Variants in CTNNA3 observed in about 807,000 individuals in gnomAD.
CTNNA3 encodes the protein catenin alpha 3.
In CTNNA3, 76 loss-of-function variants were observed where a neutral mutation model predicts 95.7. The observed-to-expected ratio is 0.79, with a 90% CI of 0.66 to 0.96. CTNNA3 has a LOEUF of 0.96. Among genes scored for constraint, CTNNA3 ranks in the 40% least tolerant of loss-of-function variants. The pLI, the probability that CTNNA3 is intolerant of heterozygous loss-of-function variation, is 0.00. For missense variants in CTNNA3, 1,191 were observed against 1,089.8 expected, an observed-to-expected ratio of 1.09 and a Z score of -1.31; for synonymous variants, 431 against 374.4, an observed-to-expected ratio of 1.15 and a Z score of -1.74.
intron 9 of CTNNA3, among the ~76,000 whole-genome samples, chr10:66,661,085 T>G (rs1048855617): frequency 6.6e-6 from 1 of 152,134 alleles, no homozygotes; most frequent in African/African-American, 2.4e-5. Context: ...ATAAACCAAC[T>G]GAAATATATA....
intron 7 of CTNNA3, among the ~76,000 whole-genome samples, chr10:67,144,101 A>G (rs572476382): frequency 7.2e-5 from 11 of 152,228 alleles, no homozygotes; most frequent in Non-Finnish European, 1.3e-4. Flanking sequence ...TTCTTTGTGC[A>G]TCTCCATCAG....
At chr10:66,528,087 G>A (rs1486409263) in intron 10 of CTNNA3, among the ~76,000 whole-genome samples, 1 of 152,044 alleles carries the variant, frequency 6.6e-6, no homozygotes, top group East Asian at 1.9e-4. Flanking sequence ...GTTATTCCAA[G>A]GACATTCCCT....
intron 16 of CTNNA3, among the ~76,000 whole-genome samples, chr10:65,969,662 G>A (rs879524383): frequency 3.3e-5 from 5 of 152,184 alleles, no homozygotes; most frequent in Admixed American, 2.6e-4. Context: ...ACTAAGTAGA[G>A]GAAAGAATTT....
intron 5 of CTNNA3, among the ~76,000 whole-genome samples, chr10:67,482,147 T>C (rs1234991797): frequency 1.0e-4 from 15 of 150,588 alleles, no homozygotes; most frequent in African/African-American, 3.4e-4. Flanking sequence ...TTTTGGTTAC[T>C]GTAGCCTTGT....
In CTNNA3 at chr10:67,750,153, C is replaced by T. The variant is rs1841397983; in HGVS notation, c.-2+13281G>A. 3.4e-6 allele frequency: 3 copies of T among 893,614 alleles called. No individual in the cohort carries two copies. In the Admixed American group the frequency reaches 6.5e-5, roughly 19 times the overall value. The allele number at this position is 893,614 out of a possible 1,614,324, so 55.4% of individuals were successfully genotyped here. A position where few individuals can be genotyped will look rare whatever the true frequency, so the allele number is the denominator to read the frequency against. ...GACACACCATCTTTAAGAGCTGTAA[C>T]AGTTACCACGAAGGTCCGTGGCTTC... On this transcript the variant is annotated intron_variant, in intron 1 of 17. Transcript: ENST00000684154.
intron 7 of CTNNA3, among the ~76,000 whole-genome samples, chr10:67,087,526 T>C (rs1293488957): frequency 6.6e-6 from 1 of 151,638 alleles, no homozygotes; most frequent in Non-Finnish European, 1.5e-5. Context: ...ATAAATATAT[T>C]AAAATAAGTT....
intron 7 of CTNNA3, among the ~76,000 whole-genome samples, chr10:67,026,868 C>T (rs568659936): frequency 6.6e-6 from 1 of 152,266 alleles, no homozygotes; most frequent in African/African-American, 2.4e-5. Context: ...TTATTTTCCT[C>T]ATATATCTCC....
chr10:66,044,301 T>A (rs1247070525), intron 15 of CTNNA3, among the ~76,000 whole-genome samples: 1 of 152,220 alleles, frequency 6.6e-6, no homozygotes, highest in African/African-American at 2.4e-5. Context: ...TTCCATTTTT[T>A]ATCCAGAAAA....
chr10:66,887,099 C>T (rs1459181229), intron 7 of CTNNA3, among the ~76,000 whole-genome samples: 2 of 152,142 alleles, frequency 1.3e-5, no homozygotes, highest in Admixed American at 1.3e-4. Context: ...TGTGGAGTTT[C>T]ATCACACCAG....
intron 17 of CTNNA3, among the ~76,000 whole-genome samples, chr10:65,964,430 T>A (rs933984865): frequency 6.6e-6 from 1 of 152,184 alleles, no homozygotes; most frequent in African/African-American, 2.4e-5. Flanking sequence ...TGACTCAGCT[T>A]TTAAATTGTA....
At chr10:66,038,065 A>G (rs2079603737) in intron 15 of CTNNA3, among the ~76,000 whole-genome samples, 1 of 152,062 alleles carries the variant, frequency 6.6e-6, no homozygotes, top group Non-Finnish European at 1.5e-5. Context: ...CTGTAATACA[A>G]CTCCACAGGA....
chr10:66,348,501 G>A (rs919622081), intron 12 of CTNNA3, among the ~76,000 whole-genome samples: 2 of 152,018 alleles, frequency 1.3e-5, no homozygotes, highest in Non-Finnish European at 2.9e-5. Context: ...AAACAATACA[G>A]GGAAACTATC....
chr10:66,519,650 C>T (rs1157381488), intron 11 of CTNNA3, among the ~76,000 whole-genome samples: 1 of 152,156 alleles, frequency 6.6e-6, no homozygotes, highest in African/African-American at 2.4e-5. Context: ...AGCCCCCTTC[C>T]CATTTCTACT....
At chr10:66,763,583 G>T (rs990919932) in intron 9 of CTNNA3, among the ~76,000 whole-genome samples, 1 of 152,136 alleles carries the variant, frequency 6.6e-6, no homozygotes, top group Admixed American at 6.6e-5. Flanking sequence ...CCTGAGAAGA[G>T]TAGTGACCAC....
At chr10:67,488,880 GGCT>G (rs1345136001) in intron 5 of CTNNA3, among the ~76,000 whole-genome samples, 1 of 151,938 alleles carries the variant, frequency 6.6e-6, no homozygotes, top group Non-Finnish European at 1.5e-5. Context: ...ATGTTACCCA[GGCT>G]GGTCATCGCA....
chr10:66,212,792 C>T (rs1589746840), intron 13 of CTNNA3, among the ~76,000 whole-genome samples: 1 of 152,114 alleles, frequency 6.6e-6, no homozygotes, highest in Non-Finnish European at 1.5e-5. Context: ...TTACTTGAGG[C>T]CAGGAGTTTG....
intron 9 of CTNNA3, among the ~76,000 whole-genome samples, chr10:66,676,566 G>A (rs759913029): frequency 6.6e-6 from 1 of 152,018 alleles, no homozygotes; most frequent in East Asian, 1.9e-4. Flanking sequence ...TCAAACTTCA[G>A]AGAAACCATT....
chr10:66,478,145 T>C (rs1457909187), intron 11 of CTNNA3, among the ~76,000 whole-genome samples: 4 of 152,140 alleles, frequency 2.6e-5, no homozygotes, highest in Admixed American at 1.3e-4. Context: ...CTTTGTTCTA[T>C]GTTCCAATTT....
At chr10:66,876,712 G>C (rs1247887160) in intron 7 of CTNNA3, among the ~76,000 whole-genome samples, 1 of 149,244 alleles carries the variant, frequency 6.7e-6, no homozygotes, top group African/African-American at 2.5e-5. Flanking sequence ...GATCAAGAAA[G>C]AGTATGGTTG....
Sources: allele counts gnomAD v4.1 joint callset (sites outside exome capture counted in the v4.1 genomes callset), GRCh38; gene constraint gnomAD v4.1.1; transcripts MANE v1.5; gene names NCBI Gene and HGNC (gene_info 2026-07-23, HGNC 2026-07-21).